Variants in MS4A6A observed in about 807,000 individuals in gnomAD.
MS4A6A encodes the protein membrane-spanning 4-domains subfamily A member 6A.
In MS4A6A, 19 loss-of-function variants were observed where a neutral mutation model predicts 20.6. The ratio of observed to expected loss-of-function variants is 0.92; its 90% CI spans 0.64 to 1.36. The LOEUF (loss-of-function observed/expected upper bound fraction) is 1.36, where lower values mean the gene tolerates loss of function less well. Among genes scored for constraint, MS4A6A ranks in the 40% most tolerant of loss-of-function variants. The pLI is 0.00. For missense variants in MS4A6A, 272 were observed against 261.1 expected (o/e 1.04, Z -0.29); for synonymous variants, 108 against 105.0 (o/e 1.03, Z -0.17).
chr11:60,172,850 C>G lies in MS4A6A; in HGVS notation c.*151G>C, dbSNP rs1240709684. 6.9e-7 allele frequency: 1 copy of G among 1,448,410 alleles called. No homozygotes were observed. Among genetic ancestry groups the G allele is most frequent in the Non-Finnish European group, 9.1e-7 (1 of 1,098,158 alleles). 89.7% of individuals were successfully genotyped at this position (1,448,410 alleles called of 1,614,324 possible). On this transcript the variant is annotated 3_prime_UTR_variant, in exon 6 of 6. Coordinates refer to ENST00000528851, the MANE Select transcript of MS4A6A (RefSeq NM_022349.4). ...CATATCCAGTGAATTTTCAGCTTAT[C>G]AGCTACTCAATTGCCATCTGCTTTT... is the stretch of plus-strand genomic sequence containing the variant.
chr11:60,183,449 T>C (rs2083839956), upstream of MS4A6A: 3 of 426,838 alleles, frequency 7.0e-6, no homozygotes, highest in Non-Finnish European at 1.3e-5. Context: ...ATAACAGTAA[T>C]AGTGCTAGTA....
rs544854164 is a variant in MS4A6A, at chr11:60,172,573, G to A, written c.*428C>T. The A allele has an allele frequency of 8.0e-6, 9 of 1,131,998 alleles. No individual in the cohort carries two copies. In the African/African-American group the frequency reaches 1.3e-4, roughly 16 times the overall value. 70.1% of individuals were successfully genotyped at this position (1,131,998 alleles called of 1,614,324 possible). A position where few individuals can be genotyped will look rare whatever the true frequency, so the allele number is the denominator to read the frequency against. ...TAAGATCACCAGGGGCAAATGCAGA[G>A]CATAAGACATTCACTGGATCCAGTT... On this transcript the variant is annotated 3_prime_UTR_variant, in exon 6 of 6. Coordinates refer to ENST00000528851, the MANE Select transcript of MS4A6A (RefSeq NM_022349.4).
downstream of MS4A6A, chr11:60,172,367 A>T: frequency 6.8e-7 from 1 of 1,476,906 alleles, no homozygotes. Flanking sequence ...CAAGATAAGT[A>T]GAGCATATCA....
chr11:60,181,522 T>C lies in MS4A6A; in HGVS notation c.147+59A>G, dbSNP rs922748878. The C allele has an allele frequency of 5.0e-6, 8 of 1,599,676 alleles. No individual in the cohort carries two copies. In the African/African-American group the frequency reaches 6.7e-5, roughly 13 times the overall value. ...ACGACAGATGTCCAGTCCCAAGACA[T>C]ATATCATCTCTTGGCACTTCCCCCA... On this transcript the variant is annotated intron_variant, in intron 2 of 5. Coordinates refer to ENST00000528851, the MANE Select transcript of MS4A6A (RefSeq NM_022349.4).
At chr11:60,182,146 T>C (rs755133654) in intron 1 of MS4A6A, among the ~76,000 whole-genome samples, 1 of 152,252 alleles carries the variant, frequency 6.6e-6, no homozygotes, top group Non-Finnish European at 1.5e-5. Flanking sequence ...TTAATAATAC[T>C]ATTTATTAGC....
intron 2 of MS4A6A, chr11:60,181,353 A>G (rs1857122774): frequency 5.3e-6 from 3 of 566,378 alleles, no homozygotes; most frequent in Non-Finnish European, 6.2e-6. Context: ...TACAAAGACA[A>G]CAATAGAAAA....
chr11:60,181,417 T>TG (rs967700137), intron 2 of MS4A6A, 164 bp downstream of exon 2: 2 of 699,042 alleles, frequency 2.9e-6, no homozygotes, highest in African/African-American at 3.6e-5. Context: ...CAACCTCTTG[T>TG]GGAAAAGTTC....
chr11:60,172,463 A>C (rs878881036), downstream of MS4A6A: 11 of 1,266,544 alleles, frequency 8.7e-6, no homozygotes, highest in Admixed American at 4.0e-4. Flanking sequence ...AAGGCTTTTT[A>C]ATTCAGTTAA....
At position 60,179,942 on chromosome 11, in the gene MS4A6A, C is replaced by T. The variant is rs1857045808; in HGVS notation, c.171G>A (p.Met57Ile). The change falls in exon 3 of 6, where the codon ATG becomes ATA. Residue 57 changes from methionine to isoleucine, a missense_variant. By Grantham distance (10) the Met-to-Ile change is conservative. Coordinates refer to ENST00000528851, the MANE Select transcript of MS4A6A (RefSeq NM_022349.4). ...AAATGATCCCCAAGCTCAATACCAT[C>T]ATGCCACACAAGATCTGGATAGTCT... ...VIGTIQILCG[M>I]MVLSLGIILA... 1 of 1,613,992 alleles carries T rather than the reference C, an allele frequency of 6.2e-7. No individual in the cohort carries two copies. The highest frequency in any genetic ancestry group is 1.7e-5 in the Admixed American group (1 of 59,994).
upstream of MS4A6A, chr11:60,183,154 A>T: frequency 6.5e-7 from 1 of 1,535,894 alleles, no homozygotes; most frequent in Non-Finnish European, 8.7e-7. Context: ...GATTTGTGAA[A>T]TGTTCCTGCA....
At chr11:60,173,290 G>A (rs921922881) in intron 5 of MS4A6A, among the ~76,000 whole-genome samples, 161 bp from the exon 6 acceptor site, 3 of 152,164 alleles carry the variant, frequency 2.0e-5, no homozygotes, top group Non-Finnish European at 4.4e-5. Flanking sequence ...CCTCACAATT[G>A]TCTTAATTCA....
rs375357292 is a variant in MS4A6A at position 60,175,432 on chromosome 11, C to G, written c.519G>C (p.Thr173=). 1.2e-6 allele frequency: 2 copies of G among 1,613,990 alleles called. No individual in the cohort carries two copies. Among genetic ancestry groups the G allele is most frequent in the Non-Finnish European group, 8.5e-7 (1 of 1,179,968 alleles). Residue 173 remains threonine, a synonymous_variant, in exon 5 of 6, where the codon ACG becomes ACC. Transcript: ENST00000528851. ...SYFYHDSLYT[T]DCYTAKASLA... is the part of the protein sequence containing the mutation. Reference sequence around the variant, plus strand: ...GACTGGCTTTGGCTGTATAGCAGTCCGTGGTATAAAGTGAATCATGATAAA... The same window carrying G: ...GACTGGCTTTGGCTGTATAGCAGTCGGTGGTATAAAGTGAATCATGATAAA...
chr11:60,178,171 C>A, intron 4 of MS4A6A, 89 bp downstream of exon 4: 1 of 1,271,452 alleles, frequency 7.9e-7, no homozygotes, highest in Non-Finnish European at 1.1e-6. Flanking sequence ...GAGTTTTCAA[C>A]TTTTCAAAGT....
chr11:60,175,512 G>A lies in MS4A6A; in HGVS notation c.439C>T (p.Leu147=), dbSNP rs199774312. The A allele has an allele frequency of 9.6e-5, 155 of 1,614,158 alleles. No homozygotes were observed. Among genetic ancestry groups the A allele is most frequent in the East Asian group, 2.2e-5 (1 of 44,882 alleles). The part of the protein sequence containing the change: ...VKQATLNPAS[L]QCELDKNNIP... Reference sequence around the variant, plus strand: ...TTATTTTTGTCCAACTCACACTGCAGTGAGGCAGGATTTAAGGTGGCCTGT... The same window carrying A: ...TTATTTTTGTCCAACTCACACTGCAATGAGGCAGGATTTAAGGTGGCCTGT... Residue 147 remains leucine, a synonymous_variant, in exon 5 of 6, where the codon CTG becomes TTG. Coordinates refer to ENST00000528851, the MANE Select transcript of MS4A6A (RefSeq NM_022349.4).
intron 1 of MS4A6A, 21 bp downstream of exon 1, chr11:60,182,957 A>T (rs1008505077): frequency 5.9e-5 from 79 of 1,343,350 alleles, no homozygotes; most frequent in Non-Finnish European, 7.3e-5. Context: ...GAGATGAGAA[A>T]AGTCTTCCAG....
intron 5 of MS4A6A, 119 bp downstream of exon 5, chr11:60,175,283 G>A (rs536483421): frequency 1.3e-4 from 94 of 748,396 alleles, no homozygotes; most frequent in Non-Finnish European, 1.9e-4. Flanking sequence ...CATAAACCTG[G>A]CTTTCCCCCA....
At chr11:60,181,424 G>A in intron 2 of MS4A6A, 157 bp downstream of exon 2, 1 of 763,600 alleles carries the variant, frequency 1.3e-6, no homozygotes, top group Admixed American at 2.9e-5. Context: ...TTGTGGAAAA[G>A]TTCTGGGACA....
In MS4A6A at chr11:60,175,618, GA is replaced by G; in HGVS notation, c.340-8del. ...CAACCAGGCTGCTATGCACCTGAAA[GA>G]GAAATGTTGGGTAAGGATCATTGCT... On this transcript the variant is annotated splice_region_variant and splice_polypyrimidine_tract_variant and intron_variant, in intron 4 of 5. Transcript: ENST00000528851. 6.2e-7 allele frequency: 1 copy of G among 1,612,538 alleles called. No homozygotes were observed. The highest frequency in any genetic ancestry group is 8.5e-7 in the Non-Finnish European group (1 of 1,179,668).
intron 4 of MS4A6A, chr11:60,177,390 T>C (rs1856894700): frequency 6.6e-6 from 1 of 152,182 alleles, no homozygotes; most frequent in South Asian, 2.1e-4. Flanking sequence ...TATGACATTC[T>C]CTCACATAAT....
Sources: allele counts gnomAD v4.1 joint callset (sites outside exome capture counted in the v4.1 genomes callset), GRCh38; gene constraint gnomAD v4.1.1; transcripts MANE v1.5; gene names NCBI Gene and HGNC (gene_info 2026-07-23, HGNC 2026-07-21).